CLIC5: variants seen among roughly 807,000 people sequenced by gnomAD.
CLIC5 encodes chloride intracellular channel protein 5.
A neutral mutation model predicts 24.7 loss-of-function variants in CLIC5; 20 were observed. The observed-to-expected ratio is 0.81, with a 90% CI of 0.57 to 1.18. The LOEUF is 1.18. Ranked by LOEUF, CLIC5 falls within the 50% of genes most tolerant of loss-of-function variation. The pLI is 0.00. For missense variants in CLIC5, 341 were observed against 326.1 expected (o/e 1.05, Z -0.35); for synonymous variants, 159 against 135.6 (o/e 1.17, Z -1.20).
intron 4 of CLIC5, chr6:45,918,970 C>G (rs901164308): frequency 2.4e-5 from 24 of 985,334 alleles, no homozygotes; most frequent in Non-Finnish European, 2.8e-5. Context: ...ACACACATAG[C>G]TGGTCCTTAA....
At chr6:46,031,691 T>C (rs901996399) in intron 1 of CLIC5, among the ~76,000 whole-genome samples, 2 of 151,806 alleles carry the variant, frequency 1.3e-5, no homozygotes, top group Admixed American at 6.6e-5. Context: ...CTAAATGTCC[T>C]TTTAGTAGGA....
chr6:46,058,975 G>C (rs748074442), intron 1 of CLIC5, among the ~76,000 whole-genome samples: 8 of 152,200 alleles, frequency 5.3e-5, no homozygotes, highest in Non-Finnish European at 1.0e-4. Context: ...TACCATAGAT[G>C]CCAACAGCAG....
chr6:46,102,943 C>A, the CLIC5 span, among the ~76,000 whole-genome samples: 1 of 152,190 alleles, frequency 6.6e-6, no homozygotes, highest in African/African-American at 2.4e-5. Context: ...TTCTCCCTTG[C>A]GGATAAACAC....
chr6:46,087,480 T>C, the CLIC5 span, among the ~76,000 whole-genome samples: 2 of 152,144 alleles, frequency 1.3e-5, no homozygotes, highest in Non-Finnish European at 2.9e-5. Flanking sequence ...CTGCCCCTAC[T>C]GCTCTGCCCT....
At chr6:45,883,660 G>T (rs1425321057) in intron 6 of CLIC5, 1 of 152,362 alleles carries the variant, frequency 6.6e-6, no homozygotes, top group African/African-American at 2.4e-5. Flanking sequence ...TAATTATGGA[G>T]AAGACCAGGG....
intron 6 of CLIC5, among the ~76,000 whole-genome samples, chr6:45,882,279 GA>G (rs1254459450): frequency 2.6e-5 from 4 of 152,194 alleles, no homozygotes; most frequent in African/African-American, 9.7e-5. Context: ...TCACTGCATA[GA>G]AGCCACAATA....
At chr6:46,052,194 T>C (rs1768122960) in intron 1 of CLIC5, among the ~76,000 whole-genome samples, 1 of 152,226 alleles carries the variant, frequency 6.6e-6, no homozygotes, top group African/African-American at 2.4e-5. Flanking sequence ...ACCCCCTCTT[T>C]GAGATTTGCA....
At chr6:45,944,549 C>CAAAA (rs773971605) in intron 3 of CLIC5, among the ~76,000 whole-genome samples, 34 of 61,334 alleles carry the variant, frequency 5.5e-4, no homozygotes, top group African/African-American at 1.6e-3. Context: ...GGCTTCTCAC[C>CAAAA]AAAAAAAAAA....
chr6:45,882,794 T>C lies in CLIC5; in HGVS notation c.624-1606A>G, dbSNP rs369959496. On this transcript the variant is annotated intron_variant, in intron 6 of 6. Coordinates refer to the CLIC5 transcript ENST00000644324. ...GAGATGTGATTACTTTCCAAAATAA[T>C]GTGGTAAATGTTTAACTCCCTCATT... 5.8e-4 allele frequency among the ~76,000 whole-genome samples: 89 copies of C among 152,338 alleles called. No homozygotes were observed. The South Asian group carries it at 8.9e-3, about 15-fold the overall frequency.
At chr6:45,969,893 G>A (rs1765141441) in intron 1 of CLIC5, among the ~76,000 whole-genome samples, 1 of 150,712 alleles carries the variant, frequency 6.6e-6, no homozygotes, top group South Asian at 2.1e-4. Flanking sequence ...CCCAGGGGAA[G>A]GATAGAAGGG....
Position 45,901,124 on chromosome 6 carries a change from C to T in CLIC5, c.*1964G>A, listed in dbSNP as rs1375893662. On this transcript the variant is annotated 3_prime_UTR_variant, in exon 6 of 6. Transcript: ENST00000339561. ...ACACTAATTAAAAGGCCTTCGGGAT[C>T]ATTTCAGCCCTCATCCCCCAGGAGG... The T allele has an allele frequency of 6.6e-6, 1 of 152,124 alleles. No individual in the cohort carries two copies. Among genetic ancestry groups the T allele is most frequent in the East Asian group, 1.9e-4 (1 of 5,178 alleles). The allele number at this position is 152,124 out of a possible 1,614,324, so 9.4% of individuals were successfully genotyped here. A position where few individuals can be genotyped will look rare whatever the true frequency, so the allele number is the denominator to read the frequency against.
the CLIC5 span, chr6:46,129,809 A>C: frequency 1.3e-5 from 2 of 152,268 alleles, no homozygotes; most frequent in Non-Finnish European, 2.9e-5. Context: ...GGGAGAGTGG[A>C]ATCAACCTCT....
intron 4 of CLIC5, among the ~76,000 whole-genome samples, chr6:45,921,610 A>T (rs1763263769): frequency 7.5e-6 from 1 of 132,814 alleles, no homozygotes; most frequent in South Asian, 2.5e-4. Flanking sequence ...CGAGAGAAAG[A>T]TGAGAGAAGA....
chr6:45,954,531 C>T lies in CLIC5; in HGVS notation c.173+604G>A, dbSNP rs561137783. 4.3e-4 allele frequency among the ~76,000 whole-genome samples: 65 copies of T among 152,198 alleles called. 1 individual carries two copies. The highest frequency in any genetic ancestry group is 6.2e-4 in the Non-Finnish European group (42 of 68,016). On this transcript the variant is annotated intron_variant, in intron 2 of 5. Transcript: ENST00000339561. ...AGATGAACACTTATGGGGTGAGCCTCGAGCTGTTCCACATTTAAACAACAG... is the reference window on the plus strand; with the variant it reads ...AGATGAACACTTATGGGGTGAGCCTTGAGCTGTTCCACATTTAAACAACAG...
At chr6:45,912,051 C>T (rs762152834) in intron 5 of CLIC5, 6 of 985,768 alleles carry the variant, frequency 6.1e-6, no homozygotes, top group Admixed American at 1.2e-4. Flanking sequence ...TAAGGATGCA[C>T]ACGGAGATCT....
At chr6:45,956,958 T>C (rs866544112) in intron 1 of CLIC5, among the ~76,000 whole-genome samples, 20 of 152,188 alleles carry the variant, frequency 1.3e-4, no homozygotes, top group South Asian at 6.2e-4. Flanking sequence ...AGCTTGGTGC[T>C]AACTTGAGTT....
intron 4 of CLIC5, among the ~76,000 whole-genome samples, chr6:45,915,164 A>G (rs1294995998): frequency 2.0e-5 from 3 of 151,860 alleles, no homozygotes; most frequent in Non-Finnish European, 4.4e-5. Context: ...TCCTGACCTC[A>G]TGATCGGCCC....
chr6:46,017,743 G>T (rs540164314), upstream of CLIC5, among the ~76,000 whole-genome samples: 1 of 152,208 alleles, frequency 6.6e-6, no homozygotes, highest in Non-Finnish European at 1.5e-5. Flanking sequence ...CCATGGTTGG[G>T]GTGAGGAGAG....
chr6:45,976,846 C>T (rs887603902), intron 1 of CLIC5, among the ~76,000 whole-genome samples: 5 of 152,134 alleles, frequency 3.3e-5, no homozygotes, highest in Non-Finnish European at 4.4e-5. Context: ...GGCAGCTTGT[C>T]GGAAAATAAC....
Sources: gnomAD v4.1 joint callset for allele counts (sites outside exome capture counted in the v4.1 genomes callset) on GRCh38, gnomAD v4.1.1 for gene constraint, MANE v1.5 for transcripts, NCBI Gene and HGNC (gene_info 2026-07-23, HGNC 2026-07-21) for gene names.